Variants in FXR1 observed in about 807,000 individuals in gnomAD.
FXR1 encodes the protein FMR1 autosomal homolog 1.
Under a neutral mutation model 84.0 loss-of-function variants are expected in FXR1, and 15 were observed. The observed-to-expected ratio is 0.18, with a 90% CI of 0.12 to 0.27. The LOEUF is 0.27. Among genes scored for constraint, FXR1 ranks in the 10% least tolerant of loss-of-function variants. The probability of loss-of-function intolerance (pLI) is 1.00; values close to 1 mark genes in which losing one functional copy is unlikely to be tolerated. For missense variants in FXR1, 480 were observed against 774.4 expected, an observed-to-expected ratio of 0.62 and a Z score of 4.51; for synonymous variants, 245 against 250.7, an observed-to-expected ratio of 0.98 and a Z score of 0.21.
intron 1 of FXR1, among the ~76,000 whole-genome samples, chr3:180,925,548 CAG>C (rs1161930115): frequency 1.3e-5 from 2 of 152,112 alleles, no homozygotes; most frequent in African/African-American, 4.8e-5. Context: ...CTGAAATGCT[CAG>C]GGGTTACCAT....
chr3:180,929,533 G>A (rs1280546488), intron 1 of FXR1, among the ~76,000 whole-genome samples: 1 of 152,154 alleles, frequency 6.6e-6, no homozygotes, highest in African/African-American at 2.4e-5. Flanking sequence ...GAGAAATATG[G>A]GACCTGAGCC....
chr3:180,957,490 A>G (rs1358036689), intron 9 of FXR1: 2 of 181,134 alleles, frequency 1.1e-5, no homozygotes, highest in African/African-American at 4.7e-5. Flanking sequence ...TTATGTATAC[A>G]TCCAAGGTTT....
At chr3:180,969,768 T>A (rs529366993) in intron 14 of FXR1, among the ~76,000 whole-genome samples, 1 of 152,346 alleles carries the variant, frequency 6.6e-6, no homozygotes, top group East Asian at 1.9e-4. Flanking sequence ...GCTCTTATAA[T>A]TATTTCTTAA....
At chr3:180,919,858 G>A (rs1271445225) in intron 1 of FXR1, among the ~76,000 whole-genome samples, 1 of 151,112 alleles carries the variant, frequency 6.6e-6, no homozygotes, top group Non-Finnish European at 1.5e-5. Context: ...ATTAGAGATG[G>A]GGTTTCACCA....
At position 180,951,476 on chromosome 3, in the gene FXR1, C is replaced by T. The variant is rs199498739; in HGVS notation, c.801+8C>T. The T allele has an allele frequency of 6.3e-7, 1 of 1,592,598 alleles. No individual in the cohort carries two copies. The highest frequency in any genetic ancestry group is 1.3e-5 in the African/African-American group (1 of 74,280). On this transcript the variant is annotated splice_region_variant and intron_variant, in intron 8 of 16. Coordinates refer to ENST00000357559, the MANE Select transcript of FXR1 (RefSeq NM_005087.4). ...TTCAGAATCTACGGAGAGGTAAGTT[C>T]TCTTTCTCCTGCCTTGGCCTTTAGT...
At chr3:180,960,127 T>C (rs1188331494) in intron 10 of FXR1, among the ~76,000 whole-genome samples, 1 of 152,204 alleles carries the variant, frequency 6.6e-6, no homozygotes. Context: ...CAGTGTGCCA[T>C]CTTATTTCTC....
chr3:180,957,637 G>A, intron 9 of FXR1, 182 bp from the exon 10 acceptor site: 2 of 484,870 alleles, frequency 4.1e-6, no homozygotes, highest in South Asian at 3.9e-5. Flanking sequence ...AGAGAAGTAA[G>A]TTTCAGACCA....
intron 3 of FXR1, among the ~76,000 whole-genome samples, chr3:180,940,061 T>C (rs1224404293): frequency 6.6e-6 from 1 of 152,208 alleles, no homozygotes; most frequent in Non-Finnish European, 1.5e-5. Flanking sequence ...GAAATTTACA[T>C]GAAGTTACAG....
intron 1 of FXR1, chr3:180,915,370 T>C: frequency 1.6e-6 from 1 of 617,784 alleles, no homozygotes; most frequent in South Asian, 2.2e-5. Flanking sequence ...GCTTCTAGAG[T>C]GTTTTCTGTC....
At chr3:180,922,123 G>C (rs184254399) in intron 1 of FXR1, among the ~76,000 whole-genome samples, 1 of 151,966 alleles carries the variant, frequency 6.6e-6, no homozygotes, top group African/African-American at 2.4e-5. Context: ...CATACACTTT[G>C]TTTTCAGTTT....
rs1721902382 is a variant in FXR1 at position 180,948,361 on chromosome 3, A to G, written c.285A>G (p.Glu95=). 3.1e-6 allele frequency: 5 copies of G among 1,601,962 alleles called. No homozygotes were observed. The highest frequency in any genetic ancestry group is 4.3e-6 in the Non-Finnish European group (5 of 1,170,732). ...RMMKGEFYVI[E]YAACDATYNE... The stretch of plus-strand genomic sequence containing the variant: ...ATGTCTTTTAGTTTTATGTCATTGA[A>G]TATGCTGCTTGTGACGCTACTTACA... The change falls in exon 5 of 17, where the codon GAA becomes GAG. Residue 95 remains glutamate, a synonymous_variant. Coordinates refer to ENST00000357559, the MANE Select transcript of FXR1 (RefSeq NM_005087.4).
chr3:180,964,885 A>AT (rs1037785991), intron 13 of FXR1, among the ~76,000 whole-genome samples: 4 of 151,844 alleles, frequency 2.6e-5, no homozygotes, highest in Non-Finnish European at 5.9e-5. Context: ...AAACGTGATT[A>AT]TTTTTAGCTG....
chr3:180,938,139 G>A (rs1720731422), intron 3 of FXR1, among the ~76,000 whole-genome samples: 1 of 152,106 alleles, frequency 6.6e-6, no homozygotes, highest in Non-Finnish European at 1.5e-5. Flanking sequence ...GAAATTACCA[G>A]ATTTTTTGCT....
chr3:180,931,048 G>T (rs892725187), intron 1 of FXR1, among the ~76,000 whole-genome samples: 2 of 73,922 alleles, frequency 2.7e-5, no homozygotes, highest in Non-Finnish European at 2.5e-5. Flanking sequence ...AAAAAAAAAA[G>T]ACGTGAATGT....
intron 1 of FXR1, among the ~76,000 whole-genome samples, chr3:180,932,285 G>A (rs1011160950): frequency 3.9e-5 from 6 of 152,046 alleles, no homozygotes. Context: ...GGACATTATG[G>A]AGTCTAGTGT....
At position 180,961,472 on chromosome 3, in the gene FXR1, TG is replaced by T; in HGVS notation, c.997del (p.Val333PhefsTer19). 1 of 1,509,332 alleles carries T rather than the reference TG, an allele frequency of 6.6e-7. No homozygotes were observed. The highest frequency in any genetic ancestry group is 9.2e-7 in the Non-Finnish European group (1 of 1,086,146). The allele number at this position is 1,509,332 out of a possible 1,614,324, so 93.5% of individuals were successfully genotyped here. A position where few individuals can be genotyped will look rare whatever the true frequency, so the allele number is the denominator to read the frequency against. ...CTTTTTTTTTTTTTTAAACAGGGTA[TG>T]GTTCCATTTGTATTTGTTGGCACTA... ...NENKLPREDG[M>X]VPFVFVGTKE... On this transcript the variant is annotated frameshift_variant, in exon 11 of 17. Coordinates refer to ENST00000357559, the MANE Select transcript of FXR1 (RefSeq NM_005087.4). LOFTEE classifies it high-confidence loss of function.
intron 2 of FXR1, among the ~76,000 whole-genome samples, chr3:180,934,300 T>G (rs1720284518): frequency 6.6e-6 from 1 of 152,192 alleles, no homozygotes; most frequent in Non-Finnish European, 1.5e-5. Context: ...CATCCCCAAA[T>G]CTTTTACTTG....
At chr3:180,958,297 C>T (rs1711594060) in intron 10 of FXR1, among the ~76,000 whole-genome samples, 1 of 151,942 alleles carries the variant, frequency 6.6e-6, no homozygotes, top group Non-Finnish European at 1.5e-5. Flanking sequence ...GGTTAAGCTG[C>T]TTCAGTGGTG....
At chr3:180,913,162 G>A (rs1717441597) in intron 1 of FXR1, among the ~76,000 whole-genome samples, 1 of 152,110 alleles carries the variant, frequency 6.6e-6, no homozygotes, top group East Asian at 1.9e-4. Context: ...GAGCTCCTCA[G>A]CCCGCTCCTC....
Sources: gnomAD v4.1 joint callset for allele counts (sites outside exome capture counted in the v4.1 genomes callset) on GRCh38, gnomAD v4.1.1 for gene constraint, MANE v1.5 for transcripts, NCBI Gene and HGNC (gene_info 2026-07-23, HGNC 2026-07-21) for gene names.